COL14A1: variants seen among roughly 807,000 people sequenced by gnomAD.
The protein encoded by COL14A1 is collagen type XIV alpha 1 chain.
A neutral mutation model predicts 230.3 loss-of-function variants in COL14A1; 136 were observed. The observed-to-expected ratio is 0.59, with a 90% CI of 0.51 to 0.68. The LOEUF is 0.68. Among genes scored for constraint, COL14A1 ranks in the 30% least tolerant of loss-of-function variants. COL14A1 has a pLI of 0.00. For synonymous variants in COL14A1, 792 were observed against 784.1 expected (o/e 1.01, Z -0.17); for missense variants, 1,976 against 2,215.8 (o/e 0.89, Z 2.17).
At chr8:120,272,112 C>T (rs1819685684) in intron 26 of COL14A1, among the ~76,000 whole-genome samples, 1 of 151,596 alleles carries the variant, frequency 6.6e-6, no homozygotes, top group African/African-American at 2.4e-5. Context: ...AGAAACCTTA[C>T]AAGACAGGAG....
chr8:120,177,259 A>C (rs1254229559), intron 5 of COL14A1, among the ~76,000 whole-genome samples: 1 of 152,214 alleles, frequency 6.6e-6, no homozygotes, highest in African/African-American at 2.4e-5. Flanking sequence ...CAATTTCAAA[A>C]CATAGAAGTA....
intron 45 of COL14A1, among the ~76,000 whole-genome samples, chr8:120,357,786 T>A (rs946534941): frequency 1.3e-5 from 2 of 152,186 alleles, no homozygotes; most frequent in Non-Finnish European, 2.9e-5. Context: ...TGTTTTTCTC[T>A]CCTGTATTCT....
At chr8:120,291,494 A>T (rs1820373927) in intron 34 of COL14A1, among the ~76,000 whole-genome samples, 1 of 138,002 alleles carries the variant, frequency 7.2e-6, no homozygotes, top group African/African-American at 2.7e-5. Flanking sequence ...CAGGAGGCGG[A>T]TGTTACAGTG....
intron 8 of COL14A1, among the ~76,000 whole-genome samples, chr8:120,203,461 A>T (rs894023471): frequency 1.3e-5 from 2 of 152,030 alleles, no homozygotes; most frequent in African/African-American, 4.8e-5. Context: ...TTTTCTTTCT[A>T]TATGAATAAT....
At chr8:120,173,617 A>G (rs553742883) in intron 5 of COL14A1, among the ~76,000 whole-genome samples, 68 of 98,864 alleles carry the variant, frequency 6.9e-4, no homozygotes, top group Non-Finnish European at 1.2e-3. Flanking sequence ...TCTGTTATCT[A>G]TCATCCATCT....
intron 34 of COL14A1, among the ~76,000 whole-genome samples, chr8:120,294,175 G>T (rs557282896): frequency 6.6e-6 from 1 of 151,638 alleles, no homozygotes; most frequent in African/African-American, 2.4e-5. Context: ...AAAAATCAGA[G>T]AATAAAATTT....
At chr8:120,207,131 A>G in intron 10 of COL14A1, 37 bp downstream of exon 10, 1 of 1,561,588 alleles carries the variant, frequency 6.4e-7, no homozygotes, top group Non-Finnish European at 8.7e-7. Flanking sequence ...CATTCTTTTT[A>G]TTCTCTCAAG....
intron 2 of COL14A1, among the ~76,000 whole-genome samples, chr8:120,157,289 G>T (rs1030342038): frequency 5.3e-5 from 8 of 152,046 alleles, no homozygotes; most frequent in Admixed American, 5.2e-4. Flanking sequence ...ATTTTACTTG[G>T]TCTTGAATGC....
At chr8:120,296,817 A>G (rs1467674085) in intron 34 of COL14A1, among the ~76,000 whole-genome samples, 1 of 152,024 alleles carries the variant, frequency 6.6e-6, no homozygotes, top group Non-Finnish European at 1.5e-5. Context: ...CTTAAATAAG[A>G]ATACACATAG....
intron 19 of COL14A1, among the ~76,000 whole-genome samples, chr8:120,234,212 G>C (rs1158315329): frequency 6.6e-6 from 1 of 152,162 alleles, no homozygotes; most frequent in Non-Finnish European, 1.5e-5. Flanking sequence ...GAGATCTGGG[G>C]CTGAGATGAT....
At chr8:120,172,691 C>T (rs1816133622) in intron 5 of COL14A1, among the ~76,000 whole-genome samples, 1 of 152,154 alleles carries the variant, frequency 6.6e-6, no homozygotes, top group South Asian at 2.1e-4. Flanking sequence ...GTTTTCCCCC[C>T]ACACAGAGCT....
chr8:120,223,443 G>T (rs1817993058), intron 14 of COL14A1, among the ~76,000 whole-genome samples: 1 of 152,130 alleles, frequency 6.6e-6, no homozygotes, highest in Non-Finnish European at 1.5e-5. Flanking sequence ...GCCGAGGTGG[G>T]TGGATCACTA....
intron 23 of COL14A1, 102 bp downstream of exon 23, chr8:120,255,458 C>G: frequency 1.1e-6 from 1 of 902,286 alleles, no homozygotes; most frequent in Non-Finnish European, 1.8e-6. Context: ...CAACAGCCCT[C>G]TTGTCAAGGA....
intron 19 of COL14A1, among the ~76,000 whole-genome samples, chr8:120,239,227 A>G (rs1818544604): frequency 6.6e-6 from 1 of 152,222 alleles, no homozygotes. Flanking sequence ...TCCAGTATGC[A>G]TCCAGAAGAA....
Position 120,208,279 on chromosome 8 carries a change from G to A in COL14A1, c.1239G>A (p.Met413Ile), listed in dbSNP as rs61754504. ...CTTCCACAGTGTTGAAAAACTTGAT[G>A]TCTTTAACTGAATATCAGATAGCAG... ...TVSSTVLKNL[M>I]SLTEYQIAVF... The change falls in exon 11 of 48, where the codon ATG becomes ATA. Residue 413 changes from methionine to isoleucine, a missense_variant. By Grantham distance (10) the Met-to-Ile change is conservative. Around this residue, in one of 3 missense-constraint regions of COL14A1, gnomAD observed 1,791 missense variants for 2,019.5 expected, o/e 0.89. Transcript: ENST00000297848. 2.6e-3 allele frequency: 4,189 copies of A among 1,613,550 alleles called. 6 individuals carry two copies. The highest frequency in any genetic ancestry group is 3.0e-3 in the Non-Finnish European group (3,541 of 1,179,710).
At chr8:120,240,832 C>T (rs148577369) in intron 19 of COL14A1, among the ~76,000 whole-genome samples, 1 of 152,108 alleles carries the variant, frequency 6.6e-6, no homozygotes, top group East Asian at 1.9e-4. Flanking sequence ...TCAAATACTT[C>T]TAGGTTAAAA....
rs572495155 is a variant in COL14A1, at chr8:120,126,825, G to A, written c.-38+1485G>A. On this transcript the variant is annotated intron_variant, in intron 1 of 47. Coordinates refer to ENST00000297848, the MANE Select transcript of COL14A1 (RefSeq NM_021110.4). Reference sequence around the variant, plus strand: ...GAATAAATGAATGAATGAACAGCATGTGAATATTTGGTTTTTCAGAAGAGT... The same window carrying A: ...GAATAAATGAATGAATGAACAGCATATGAATATTTGGTTTTTCAGAAGAGT... 1.6e-4 allele frequency among the ~76,000 whole-genome samples: 25 copies of A among 152,360 alleles called. No homozygotes were observed. The South Asian group carries it at 5.0e-3, about 30-fold the overall frequency.
At chr8:120,167,873 T>C (rs566080096) in intron 4 of COL14A1, among the ~76,000 whole-genome samples, 1 of 152,344 alleles carries the variant, frequency 6.6e-6, no homozygotes, top group South Asian at 2.1e-4. Context: ...AAGCTAGGGA[T>C]AATTATGCTG....
chr8:120,162,392 C>A lies in COL14A1; in HGVS notation c.206-34C>A, dbSNP rs373411095. The A allele has an allele frequency of 2.6e-5, 41 of 1,566,424 alleles. No individual in the cohort carries two copies. In the African/African-American group the frequency reaches 4.7e-4, roughly 18 times the overall value. ...TTAATGTACACAGTGGACCTTATTT[C>A]TTAGAACTGATTTATTTTTCTCTTT... On this transcript the variant is annotated intron_variant, in intron 3 of 47. Transcript: ENST00000297848.
Sources: allele counts gnomAD v4.1 joint callset (sites outside exome capture counted in the v4.1 genomes callset), GRCh38; gene constraint gnomAD v4.1.1; regional missense constraint gnomAD v4.1.1; transcripts MANE v1.5; gene names NCBI Gene and HGNC (gene_info 2026-07-23, HGNC 2026-07-21).